ATP2A1: variants seen among roughly 807,000 people sequenced by gnomAD.
The protein encoded by ATP2A1 is ATPase sarcoplasmic/endoplasmic reticulum Ca2+ transporting 1.
In ATP2A1, 83 loss-of-function variants were observed where a neutral mutation model predicts 109.5. That is an observed-to-expected ratio of 0.76 (90% CI 0.63 to 0.91). ATP2A1 has a LOEUF of 0.91. Ranked by LOEUF, ATP2A1 falls within the 40% of genes least tolerant of loss-of-function variation. ATP2A1 has a pLI of 0.00. For missense variants in ATP2A1, 1,101 were observed against 1,341.0 expected, an observed-to-expected ratio of 0.82 and a Z score of 2.80; for synonymous variants, 505 against 537.6, an observed-to-expected ratio of 0.94 and a Z score of 0.84.
At chr16:28,881,278 A>T (rs1182681123) in intron 4 of ATP2A1, among the ~76,000 whole-genome samples, 1 of 152,140 alleles carries the variant, frequency 6.6e-6, no homozygotes, top group African/African-American at 2.4e-5. Context: ...GGGGCTAGCA[A>T]TCCAGTGTGA....
intron 6 of ATP2A1, 103 bp downstream of exon 6, chr16:28,884,758 C>A (rs1963574250): frequency 8.8e-7 from 1 of 1,141,326 alleles, no homozygotes; most frequent in Non-Finnish European, 1.2e-6. Flanking sequence ...ACTGTCTGAG[C>A]AACATAAAGA....
At chr16:28,891,926 C>G (rs79383257) in intron 9 of ATP2A1, among the ~76,000 whole-genome samples, 8,874 of 151,626 alleles carry the variant, frequency 0.059, 676 homozygotes, top group African/African-American at 0.17. Context: ...AAAAAAAATA[C>G]ATAGGAAAGA....
intron 9 of ATP2A1, among the ~76,000 whole-genome samples, chr16:28,890,404 G>A (rs1465851414): frequency 1.3e-5 from 2 of 151,758 alleles, no homozygotes; most frequent in Non-Finnish European, 2.9e-5. Flanking sequence ...GATTGCTTGA[G>A]CCAGGAAGTC....
intron 9 of ATP2A1, among the ~76,000 whole-genome samples, chr16:28,893,801 C>A: frequency 6.6e-6 from 1 of 151,922 alleles, no homozygotes; most frequent in East Asian, 1.9e-4. Context: ...AGGCGCGCAC[C>A]ACCACACCTG....
In ATP2A1 at chr16:28,904,413, C is replaced by T. The variant is rs762674739; in HGVS notation, c.*271C>T. ...CCCCGAGGGGCTTGCAGGGACAAGGCGACCGACTGCGCTGAGCTGCTTATT... is the reference window on the plus strand; with the variant it reads ...CCCCGAGGGGCTTGCAGGGACAAGGTGACCGACTGCGCTGAGCTGCTTATT... On this transcript the variant is annotated 3_prime_UTR_variant, in exon 23 of 23. Coordinates refer to ENST00000395503, the MANE Select transcript of ATP2A1 (RefSeq NM_004320.6). 2.1e-5 allele frequency: 32 copies of T among 1,534,024 alleles called. No individual in the cohort carries two copies. The highest frequency in any genetic ancestry group is 4.9e-5 in the East Asian group (2 of 40,918).
rs1333634196 is a variant in ATP2A1, at chr16:28,889,077, A to G, written c.1095+124A>G. 2.2e-5 allele frequency: 30 copies of G among 1,374,376 alleles called. No individual in the cohort carries two copies. In the East Asian group the frequency reaches 6.5e-4, roughly 30 times the overall value. The allele number at this position is 1,374,376 out of a possible 1,614,324, so 85.1% of individuals were successfully genotyped here. A position where few individuals can be genotyped will look rare whatever the true frequency, so the allele number is the denominator to read the frequency against. ...TCTCATCTGGGCCTGCAAAATGCTC[A>G]AAGGGCAGTAGAACGCCATCCTGTC... On this transcript the variant is annotated intron_variant, in intron 9 of 22. Coordinates refer to ENST00000395503, the MANE Select transcript of ATP2A1 (RefSeq NM_004320.6).
chr16:28,882,279 T>C (rs1166216056), intron 4 of ATP2A1, among the ~76,000 whole-genome samples, 172 bp from the exon 5 acceptor site: 1 of 152,008 alleles, frequency 6.6e-6, no homozygotes, highest in Non-Finnish European at 1.5e-5. Flanking sequence ...TGATTCTTCT[T>C]TGTTCCCTCC....
Position 28,903,235 on chromosome 16 carries a change from T to C in ATP2A1, c.2862+88T>C, listed in dbSNP as rs1964141571. 6.3e-7 allele frequency: 1 copy of C among 1,576,238 alleles called. No homozygotes were observed. ...ACCACTCCCACCAGGGGCGCCGATGTGGGAGGCTGGTGGGAGTGGGCTGGG... is the reference window on the plus strand; with the variant it reads ...ACCACTCCCACCAGGGGCGCCGATGCGGGAGGCTGGTGGGAGTGGGCTGGG... On this transcript the variant is annotated intron_variant, in intron 20 of 22. Transcript: ENST00000395503. This position sits in a 1 kb window ranked among gnomAD's most constrained non-coding sequence, Gnocchi z 5.6.
At chr16:28,896,208 TTTTGTTTGTTTG>T (rs367688800) in intron 12 of ATP2A1, among the ~76,000 whole-genome samples, 9 of 151,998 alleles carry the variant, frequency 5.9e-5, no homozygotes, top group Non-Finnish European at 7.4e-5. Context: ...CTTTCATTCT[TTTTGTTTGTTTG>T]TTTGTTTGTT....
rs752510476 is a variant in ATP2A1, at chr16:28,898,065, T to G, written c.1485T>G (p.Ser495=). The change falls in exon 13 of 23, where the codon TCT becomes TCG. Residue 495 remains serine, a synonymous_variant. Transcript: ENST00000395503. This position sits in a 1 kb window ranked among gnomAD's most constrained non-coding sequence, Gnocchi z 4.0. ...LEFSRDRKSM[S]VYCSPAKSSR... is the part of the protein sequence containing the mutation. Reference sequence around the variant, plus strand: ...TCTCCCGAGACAGAAAGTCCATGTCTGTCTATTGCTCCCCAGCCAAATCTT... The same window carrying G: ...TCTCCCGAGACAGAAAGTCCATGTCGGTCTATTGCTCCCCAGCCAAATCTT... 1 of 1,614,062 alleles carries G rather than the reference T, an allele frequency of 6.2e-7. No individual in the cohort carries two copies. The highest frequency in any genetic ancestry group is 2.2e-5 in the East Asian group (1 of 44,904).
At position 28,898,723 on chromosome 16, in the gene ATP2A1, G is replaced by T. The variant is rs1009569577; in HGVS notation, c.1764+272G>T. On this transcript the variant is annotated intron_variant, in intron 14 of 22. Transcript: ENST00000395503. The surrounding 1 kb of genome is among the most constrained non-coding windows in gnomAD (Gnocchi z 4.0). ...GTTCAAGACCAGCCTGGGCAATGAA[G>T]TGAGAACCCCATCTCTATTAAAAAA... 1.8e-4 allele frequency among the ~76,000 whole-genome samples: 27 copies of T among 149,056 alleles called. No homozygotes were observed. Among genetic ancestry groups the T allele is most frequent in the African/African-American group, 6.7e-4 (27 of 40,584 alleles).
chr16:28,881,368 C>T, intron 4 of ATP2A1: 1 of 392,242 alleles, frequency 2.5e-6, no homozygotes, highest in Non-Finnish European at 4.9e-6. Flanking sequence ...TTCCACTGAC[C>T]TGACCACCCC....
chr16:28,884,460 C>G, intron 5 of ATP2A1, 115 bp from the exon 6 acceptor site: 1 of 1,033,056 alleles, frequency 9.7e-7, no homozygotes, highest in Non-Finnish European at 1.5e-6. Context: ...CTGGGAGCCT[C>G]CCTGAGACCT....
At chr16:28,896,454 C>G (rs1003741842) in intron 12 of ATP2A1, among the ~76,000 whole-genome samples, 7 of 149,922 alleles carry the variant, frequency 4.7e-5, no homozygotes, top group African/African-American at 1.7e-4. Flanking sequence ...TCTGCTTTGC[C>G]CAGGCTGAAG....
chr16:28,889,059 T>C (rs1464253424), intron 9 of ATP2A1, 106 bp downstream of exon 9: 1 of 1,495,168 alleles, frequency 6.7e-7, no homozygotes. Flanking sequence ...GCTTCTCATC[T>C]GGGCCTGCAA....
rs1964165999 is a variant in ATP2A1 at position 28,903,850 on chromosome 16, G to A, written c.*37+109G>A. 3 of 1,095,276 alleles carry A rather than the reference G, an allele frequency of 2.7e-6. No homozygotes were observed. The highest frequency in any genetic ancestry group is 4.2e-6 in the Non-Finnish European group (3 of 717,612). 67.8% of individuals were successfully genotyped at this position (1,095,276 alleles called of 1,614,324 possible). A position where few individuals can be genotyped will look rare whatever the true frequency, so the allele number is the denominator to read the frequency against. On this transcript the variant is annotated intron_variant, in intron 22 of 22. Transcript: ENST00000395503. This position sits in a 1 kb window ranked among gnomAD's most constrained non-coding sequence, Gnocchi z 5.6. ...GTCACTTGTGCTCGCAGCTCCACCTGGAGCCGTTGCCACTGCTGCTGCTGC... is the reference window on the plus strand; with the variant it reads ...GTCACTTGTGCTCGCAGCTCCACCTAGAGCCGTTGCCACTGCTGCTGCTGC...
At chr16:28,878,909 C>G in intron 1 of ATP2A1, 120 bp downstream of exon 1, 1 of 1,350,070 alleles carries the variant, frequency 7.4e-7, no homozygotes, top group East Asian at 2.3e-5. Context: ...GGGCCGTTGT[C>G]CAATGCTCGC....
intron 6 of ATP2A1, among the ~76,000 whole-genome samples, 185 bp downstream of exon 6, chr16:28,884,840 C>G (rs554140980): frequency 6.6e-6 from 1 of 152,282 alleles, no homozygotes; most frequent in South Asian, 2.1e-4. Flanking sequence ...CCTGACTACT[C>G]AGGATGCTGA....
At chr16:28,897,594 A>G (rs1276387044) in intron 12 of ATP2A1, among the ~76,000 whole-genome samples, 1 of 152,186 alleles carries the variant, frequency 6.6e-6, no homozygotes. Context: ...AGGCTGGAGT[A>G]CAATGGTGCG....
Sources: allele counts gnomAD v4.1 joint callset (sites outside exome capture counted in the v4.1 genomes callset), GRCh38; gene constraint gnomAD v4.1.1; non-coding constraint Gnocchi (gnomAD v3.1); transcripts MANE v1.5; gene names NCBI Gene and HGNC (gene_info 2026-07-23, HGNC 2026-07-21).